KIF13A: variants seen among roughly 807,000 people sequenced by gnomAD.
KIF13A encodes the protein kinesin-like protein KIF13A.
Under a neutral mutation model 212.2 loss-of-function variants are expected in KIF13A, and 79 were observed. The observed-to-expected ratio is 0.37, with a 90% confidence interval of 0.31 to 0.45. KIF13A has a LOEUF of 0.45. Among genes scored for constraint, KIF13A ranks in the 20% least tolerant of loss-of-function variants. The pLI, the probability that KIF13A is intolerant of heterozygous loss-of-function variation, is 1.00. For missense variants in KIF13A, 1,901 were observed against 2,209.0 expected (o/e 0.86, Z 2.79); for synonymous variants, 789 against 808.6 (o/e 0.98, Z 0.41).
chr6:17,837,936 G>C lies in KIF13A; in HGVS notation c.831-353C>G, dbSNP rs1766129293. Among the ~76,000 whole-genome samples the C allele has an allele frequency of 1.3e-5, 2 of 151,942 alleles. No individual in the cohort carries two copies. The highest frequency in any genetic ancestry group is 2.4e-5 in the African/African-American group (1 of 41,344). On this transcript the variant is annotated intron_variant, in intron 9 of 38. Transcript: ENST00000259711. The surrounding 1 kb of genome is among the most constrained non-coding windows in gnomAD (Gnocchi z 5.4). ...CCACTGCACTGCAGCCTGGGCGACA[G>C]AGTGAGACTCTTTCAAAAAAACAAA...
In KIF13A at chr6:17,828,460, A is replaced by G; in HGVS notation, c.1402-90T>C. On this transcript the variant is annotated intron_variant, in intron 13 of 38. Coordinates refer to ENST00000259711, the MANE Select transcript of KIF13A (RefSeq NM_022113.6). The surrounding 1 kb of genome is among the most constrained non-coding windows in gnomAD (Gnocchi z 4.3). Reference sequence around the variant, plus strand: ...CAATCAATTTGAATAACGCAGCAGCATATGCACAAAAATATTAAACGAATC... The same window carrying G: ...CAATCAATTTGAATAACGCAGCAGCGTATGCACAAAAATATTAAACGAATC... 9.3e-7 allele frequency: 1 copy of G among 1,076,466 alleles called. No homozygotes were observed. Among genetic ancestry groups the G allele is most frequent in the African/African-American group, 1.6e-5 (1 of 63,158 alleles). The allele number at this position is 1,076,466 out of a possible 1,614,324, so 66.7% of individuals were successfully genotyped here.
chr6:17,976,685 C>T (rs1780539616), intron 2 of KIF13A, among the ~76,000 whole-genome samples: 1 of 152,120 alleles, frequency 6.6e-6, no homozygotes, highest in South Asian at 2.1e-4. Flanking sequence ...AAAGTGGGAG[C>T]TCAGGCAGAG....
chr6:17,969,270 G>A (rs1032607257), intron 2 of KIF13A, among the ~76,000 whole-genome samples: 5 of 152,204 alleles, frequency 3.3e-5, no homozygotes, highest in Non-Finnish European at 7.3e-5. Context: ...AGAGCAATAA[G>A]TTTTGACCAC....
Position 17,780,895 on chromosome 6 carries a change from T to A in KIF13A, c.3681A>T (p.Thr1227=). Residue 1227 remains threonine, a synonymous_variant, in exon 31 of 39, where the codon ACA becomes ACT. Coordinates refer to ENST00000259711, the MANE Select transcript of KIF13A (RefSeq NM_022113.6). ...CATGCACCGAGGAATCCCAAGAGGC[T>A]GTGGCTGAAACCTAGGAGTTGGGGA... ...IKHSDDEVSA[T]ASWDSSVHDS... 1 of 1,613,286 alleles carries A rather than the reference T, an allele frequency of 6.2e-7. No homozygotes were observed. Among genetic ancestry groups the A allele is most frequent in the Non-Finnish European group, 8.5e-7 (1 of 1,179,458 alleles).
At chr6:17,805,422 A>C in intron 19 of KIF13A, 53 bp downstream of exon 19, 3 of 1,446,816 alleles carry the variant, frequency 2.1e-6, no homozygotes, top group Non-Finnish European at 2.9e-6. Context: ...TAAATCGCTT[A>C]TATTCTCTGT....
At chr6:17,882,718 C>T (rs753564450) in intron 3 of KIF13A, among the ~76,000 whole-genome samples, 6 of 152,138 alleles carry the variant, frequency 3.9e-5, no homozygotes, top group South Asian at 2.1e-4. Flanking sequence ...CCCACTACCA[C>T]GCCTGGCTAA....
At chr6:17,903,709 A>AG (rs1333082276) in intron 2 of KIF13A, among the ~76,000 whole-genome samples, 1 of 152,212 alleles carries the variant, frequency 6.6e-6, no homozygotes, top group African/African-American at 2.4e-5. Flanking sequence ...GAAGACTGAC[A>AG]GGCAGGGATG....
chr6:17,978,440 G>C (rs1780776321), intron 2 of KIF13A, among the ~76,000 whole-genome samples: 1 of 152,104 alleles, frequency 6.6e-6, no homozygotes, highest in African/African-American at 2.4e-5. Flanking sequence ...TTTAATACCT[G>C]TTTTCATCTA....
At position 17,825,836 on chromosome 6, in the gene KIF13A, G is replaced by C. The variant is rs1391936531; in HGVS notation, c.1718C>G (p.Ser573Cys). 37 of 1,613,796 alleles carry C rather than the reference G, an allele frequency of 2.3e-5. No individual in the cohort carries two copies. The highest frequency in any genetic ancestry group is 3.1e-5 in the Non-Finnish European group (37 of 1,179,864). Reference sequence around the variant, plus strand: ...TTCATAGTTATAGTCTGGTTCAGAGGAAGCCTCACTGGCTGCATCCAGGTC... The same window carrying C: ...TTCATAGTTATAGTCTGGTTCAGAGCAAGCCTCACTGGCTGCATCCAGGTC... ...EHDLDAASEASSEPDYNYEFA... is the reference protein window; with the variant it reads ...EHDLDAASEACSEPDYNYEFA... The change falls in exon 16 of 39, where the codon TCC becomes TGC. Residue 573 changes from serine to cysteine, a missense_variant. Physicochemically the swap from Ser to Cys is moderately radical, Grantham distance 112. Around this residue, in one of 5 missense-constraint regions of KIF13A, gnomAD observed 534 missense variants for 536.9 expected, o/e 0.99. Coordinates refer to ENST00000259711, the MANE Select transcript of KIF13A (RefSeq NM_022113.6). This position sits in a 1 kb window ranked among gnomAD's most constrained non-coding sequence, Gnocchi z 4.5.
chr6:17,807,134 CA>C (rs1763032958), intron 18 of KIF13A, among the ~76,000 whole-genome samples: 1 of 151,990 alleles, frequency 6.6e-6, no homozygotes, highest in Non-Finnish European at 1.5e-5. Context: ...TGTGTTTGAA[CA>C]ATATGAAATC....
At chr6:17,808,712 A>AT (rs1763185231) in intron 18 of KIF13A, 56 bp downstream of exon 18, 1 of 1,511,916 alleles carries the variant, frequency 6.6e-7, no homozygotes, top group Non-Finnish European at 9.0e-7. Context: ...TTTAGATCCT[A>AT]TTTTACAATA....
Position 17,971,363 on chromosome 6 carries a change from T to G in KIF13A, c.146+15691A>C, listed in dbSNP as rs1008975423. 3.9e-5 allele frequency among the ~76,000 whole-genome samples: 6 copies of G among 152,242 alleles called. No homozygotes were observed. Among genetic ancestry groups the G allele is most frequent in the Admixed American group, 2.6e-4 (4 of 15,278 alleles). The stretch of plus-strand genomic sequence containing the variant: ...TTCTGAGATTATGTCCTTTCTCCTA[T>G]TCTGGTGTTAAGCTGACCTCTATTT... On this transcript the variant is annotated intron_variant, in intron 2 of 38. Transcript: ENST00000259711. This position sits in a 1 kb window ranked among gnomAD's most constrained non-coding sequence, Gnocchi z 4.2.
intron 6 of KIF13A, among the ~76,000 whole-genome samples, chr6:17,852,710 C>G (rs763868234): frequency 1.3e-5 from 2 of 152,108 alleles, no homozygotes; most frequent in Admixed American, 6.6e-5. Flanking sequence ...GAGCCACCAC[C>G]GCCCAGTCAA....
chr6:17,856,224 G>T lies in KIF13A; in HGVS notation c.221-102C>A. On this transcript the variant is annotated intron_variant, in intron 4 of 38. Coordinates refer to ENST00000259711, the MANE Select transcript of KIF13A (RefSeq NM_022113.6). The surrounding 1 kb of genome is among the most constrained non-coding windows in gnomAD (Gnocchi z 4.5). ...ATGTCAATTCAAAAAAATGTTAAAA[G>T]TGTAGTACCGAGTGCCCACTAAGTA... The T allele has an allele frequency of 1.3e-6, 1 of 797,226 alleles. No homozygotes were observed. The highest frequency in any genetic ancestry group is 2.0e-6 in the Non-Finnish European group (1 of 490,086). 49.4% of individuals were successfully genotyped at this position (797,226 alleles called of 1,614,324 possible).
At chr6:17,913,900 T>C (rs925221410) in intron 2 of KIF13A, among the ~76,000 whole-genome samples, 4 of 152,266 alleles carry the variant, frequency 2.6e-5, no homozygotes, top group African/African-American at 9.6e-5. Flanking sequence ...CCTGAGCTCA[T>C]CAAAGCACAA....
intron 34 of KIF13A, 83 bp from the exon 35 acceptor site, chr6:17,775,145 C>A: frequency 9.1e-7 from 1 of 1,093,438 alleles, no homozygotes; most frequent in South Asian, 1.4e-5. Flanking sequence ...CAGAATGTCA[C>A]AGTTGAAGCC....
At chr6:17,960,825 T>C (rs1290199686) in intron 2 of KIF13A, among the ~76,000 whole-genome samples, 1 of 152,208 alleles carries the variant, frequency 6.6e-6, no homozygotes, top group Non-Finnish European at 1.5e-5. Context: ...TGAAATGAGC[T>C]GGGAAGAAGC....
chr6:17,948,664 C>T (rs114363316), intron 2 of KIF13A, among the ~76,000 whole-genome samples: 2,925 of 143,242 alleles, frequency 0.02, 43 homozygotes, highest in Non-Finnish European at 0.031. Flanking sequence ...CAGGTTCAAG[C>T]GATTCTCTGC....
Position 17,771,106 on chromosome 6 carries a change from G to C in KIF13A, c.4581+8C>G. ...AGGCAATATGACAGAAATGGTTCCGGAACTTACAATCTTCTTCTCACGTTT... is the reference window on the plus strand; with the variant it reads ...AGGCAATATGACAGAAATGGTTCCGCAACTTACAATCTTCTTCTCACGTTT... On this transcript the variant is annotated splice_region_variant and intron_variant, in intron 38 of 38. Coordinates refer to ENST00000259711, the MANE Select transcript of KIF13A (RefSeq NM_022113.6). The surrounding 1 kb of genome is among the most constrained non-coding windows in gnomAD (Gnocchi z 5.4). The C allele has an allele frequency of 1.3e-6, 2 of 1,590,542 alleles. No homozygotes were observed. The highest frequency in any genetic ancestry group is 8.6e-7 in the Non-Finnish European group (1 of 1,160,802).
Sources: allele counts gnomAD v4.1 joint callset (sites outside exome capture counted in the v4.1 genomes callset), GRCh38; gene constraint gnomAD v4.1.1; regional missense constraint gnomAD v4.1.1; non-coding constraint Gnocchi (gnomAD v3.1); transcripts MANE v1.5; gene names NCBI Gene and HGNC (gene_info 2026-07-23, HGNC 2026-07-21).